PRELID2: variants seen among roughly 807,000 people sequenced by gnomAD.
PRELID2 encodes PRELI domain containing 2.
PRELID2 carries 25 observed loss-of-function variants against 28.4 expected under a neutral mutation model. That is an observed-to-expected ratio of 0.88 (90% CI 0.64 to 1.23). PRELID2 has a LOEUF of 1.23. Among genes scored for constraint, PRELID2 ranks in the 50% most tolerant of loss-of-function variants. The probability of loss-of-function intolerance (pLI) is 0.00; values close to 1 mark genes in which losing one functional copy is unlikely to be tolerated. For missense variants in PRELID2, 201 were observed against 214.4 expected (o/e 0.94, Z 0.39); for synonymous variants, 76 against 71.6 (o/e 1.06, Z -0.31).
At chr5:145,623,171 C>T (rs1285641308) in intron 1 of PRELID2, among the ~76,000 whole-genome samples, 1 of 151,540 alleles carries the variant, frequency 6.6e-6, no homozygotes, top group African/African-American at 2.4e-5. Context: ...AAGCCACAGG[C>T]CGGGAGTGGT....
chr5:145,532,894 G>T, intron 1 of PRELID2, among the ~76,000 whole-genome samples: 1 of 151,888 alleles, frequency 6.6e-6, no homozygotes. Flanking sequence ...TACATATCTT[G>T]GCTACTTTGA....
intron 1 of PRELID2, chr5:145,729,119 G>C (rs1465118606): frequency 1.7e-6 from 1 of 584,750 alleles, no homozygotes; most frequent in Admixed American, 2.8e-5. Flanking sequence ...CCTGGTTTCC[G>C]AGTACTCAGC....
the PRELID2 span, among the ~76,000 whole-genome samples, chr5:145,346,022 A>G: frequency 1.3e-5 from 2 of 152,244 alleles, no homozygotes; most frequent in Middle Eastern, 3.4e-3. Flanking sequence ...AAACAGTGAC[A>G]AAACAGAGAA....
chr5:145,291,089 C>T, the PRELID2 span, among the ~76,000 whole-genome samples: 1 of 151,536 alleles, frequency 6.6e-6, no homozygotes, highest in African/African-American at 2.4e-5. Flanking sequence ...CCTGTAATCC[C>T]AGCACTTTGG....
At chr5:145,666,589 C>G (rs1008102093) in intron 1 of PRELID2, among the ~76,000 whole-genome samples, 1 of 152,198 alleles carries the variant, frequency 6.6e-6, no homozygotes, top group African/African-American at 2.4e-5. Flanking sequence ...TCATAGTACC[C>G]TGTGGCACAG....
At chr5:145,401,423 G>C in the PRELID2 span, among the ~76,000 whole-genome samples, 1 of 151,994 alleles carries the variant, frequency 6.6e-6, no homozygotes. Context: ...TATTAATCCG[G>C]TGTTCAAATA....
intron 1 of PRELID2, among the ~76,000 whole-genome samples, chr5:145,526,328 G>A (rs1194320073): frequency 1.3e-5 from 2 of 152,318 alleles, no homozygotes; most frequent in Admixed American, 1.3e-4. Flanking sequence ...ACACTGTCAA[G>A]AGAGCATAAT....
chr5:145,597,785 C>A (rs953305791), intron 1 of PRELID2, among the ~76,000 whole-genome samples: 8 of 152,110 alleles, frequency 5.3e-5, no homozygotes, highest in African/African-American at 1.7e-4. Flanking sequence ...ACATACTGCA[C>A]CTGCAAGATT....
At chr5:145,645,996 G>C (rs1334525272) in intron 1 of PRELID2, among the ~76,000 whole-genome samples, 1 of 152,152 alleles carries the variant, frequency 6.6e-6, no homozygotes, top group African/African-American at 2.4e-5. Flanking sequence ...TGGTGAATCT[G>C]ACAATTATGT....
the PRELID2 span, among the ~76,000 whole-genome samples, chr5:145,465,217 T>A: frequency 6.6e-6 from 1 of 152,076 alleles, no homozygotes; most frequent in Non-Finnish European, 1.5e-5. Context: ...CACATCAGAA[T>A]CAGCAAAGAA....
At chr5:145,261,347 G>A in the PRELID2 span, among the ~76,000 whole-genome samples, 1 of 152,158 alleles carries the variant, frequency 6.6e-6, no homozygotes, top group African/African-American at 2.4e-5. Context: ...TCTTGAAAGT[G>A]ACAACTCCTG....
the PRELID2 span, among the ~76,000 whole-genome samples, chr5:145,375,446 C>T: frequency 6.6e-6 from 1 of 152,124 alleles, no homozygotes; most frequent in Non-Finnish European, 1.5e-5. Context: ...GAGGGTCTCA[C>T]CCAGTTGGGT....
intron 6 of PRELID2, among the ~76,000 whole-genome samples, chr5:145,762,594 G>A (rs188338244): frequency 6.6e-6 from 1 of 152,192 alleles, no homozygotes; most frequent in East Asian, 1.9e-4. Context: ...AGGTAATGCT[G>A]TAAACTTGTT....
At chr5:145,443,037 C>T in the PRELID2 span, among the ~76,000 whole-genome samples, 4 of 151,986 alleles carry the variant, frequency 2.6e-5, no homozygotes, top group Non-Finnish European at 5.9e-5. Context: ...ACAAGGGTCG[C>T]ATTCCATTCC....
chr5:145,320,505 T>C, the PRELID2 span, among the ~76,000 whole-genome samples: 1 of 152,072 alleles, frequency 6.6e-6, no homozygotes, highest in South Asian at 2.1e-4. Context: ...CTCAACAGCT[T>C]TTGAAGCTAA....
At chr5:145,625,953 G>C (rs957444942) in intron 1 of PRELID2, among the ~76,000 whole-genome samples, 2 of 152,046 alleles carry the variant, frequency 1.3e-5, no homozygotes, top group Non-Finnish European at 2.9e-5. Context: ...TTCAATAAAT[G>C]GTACTTGGAA....
rs75042618 is a variant in PRELID2, at chr5:145,678,773, G to A, written n.70+86158C>T. On this transcript the variant is annotated intron_variant and non_coding_transcript_variant, in intron 1 of 2. Coordinates refer to the PRELID2 transcript ENST00000510259. ...TGTCCTATCTGCAAACTGGGGGGTC[G>A]AGGAGGAGTAATAATACTTCCTTTG... 6.0e-4 allele frequency among the ~76,000 whole-genome samples: 92 copies of A among 152,244 alleles called. No homozygotes were observed. In the East Asian group the frequency reaches 0.013, roughly 21 times the overall value.
the PRELID2 span, among the ~76,000 whole-genome samples, chr5:145,455,083 G>C: frequency 6.6e-6 from 1 of 151,998 alleles, no homozygotes; most frequent in African/African-American, 2.4e-5. Context: ...GTGCTGCCTA[G>C]GTTTTCTTCT....
the PRELID2 span, among the ~76,000 whole-genome samples, chr5:145,296,284 G>A: frequency 6.6e-6 from 1 of 151,588 alleles, no homozygotes; most frequent in Non-Finnish European, 1.5e-5. Context: ...CTGGTGTGCT[G>A]CACCCATTAA....
Sources: gnomAD v4.1 joint callset for allele counts (sites outside exome capture counted in the v4.1 genomes callset) on GRCh38, gnomAD v4.1.1 for gene constraint, MANE v1.5 for transcripts, NCBI Gene and HGNC (gene_info 2026-07-23, HGNC 2026-07-21) for gene names.